The following RERE variants were observed in gnomAD, a reference collection of about 807,000 sequenced individuals.
RERE encodes the protein arginine-glutamic acid dipeptide repeats protein.
A neutral mutation model predicts 146.1 loss-of-function variants in RERE; 40 were observed. The observed-to-expected ratio is 0.27, with a 90% CI of 0.21 to 0.36. The LOEUF is 0.36. Ranked by LOEUF, RERE falls within the 10% of genes least tolerant of loss-of-function variation. The pLI is 1.00. For missense variants in RERE, 1,933 were observed against 2,138.7 expected, an observed-to-expected ratio of 0.90 and a Z score of 1.90; for synonymous variants, 1,003 against 866.0, an observed-to-expected ratio of 1.16 and a Z score of -2.78.
intron 10 of RERE, among the ~76,000 whole-genome samples, chr1:8,485,361 C>G (rs1237136860): frequency 1.3e-5 from 2 of 151,130 alleles, no homozygotes; most frequent in African/African-American, 4.9e-5. Flanking sequence ...AACTCTGTCT[C>G]AAAAAAAAGA....
Position 8,423,619 on chromosome 1 carries a change from G to C in RERE, c.1204-812C>G, listed in dbSNP as rs1643949587. The C allele has an allele frequency of 1.6e-5, 16 of 985,066 alleles. No individual in the cohort carries two copies. Among genetic ancestry groups the C allele is most frequent in the Non-Finnish European group, 1.9e-5 (16 of 829,876 alleles). The allele number at this position is 985,066 out of a possible 1,614,324, so 61.0% of individuals were successfully genotyped here. ...CCCCAGCAGCCACAGGTAAGCGCCC[G>C]GGGTCCGGGGCGGCAAGAGGCCGTC... On this transcript the variant is annotated intron_variant, in intron 11 of 22. Transcript: ENST00000400908. This position sits in a 1 kb window ranked among gnomAD's most constrained non-coding sequence, Gnocchi z 5.4.
chr1:8,705,851 T>TCA (rs769812312), intron 1 of RERE, among the ~76,000 whole-genome samples: 1 of 152,198 alleles, frequency 6.6e-6, no homozygotes, highest in Non-Finnish European at 1.5e-5. Context: ...ATGCGGTGGC[T>TCA]CACGCCTATA....
chr1:8,771,832 C>A (rs1640957409), intron 1 of RERE, among the ~76,000 whole-genome samples: 1 of 150,350 alleles, frequency 6.7e-6, no homozygotes, highest in African/African-American at 2.4e-5. Flanking sequence ...ATGGCATGAA[C>A]CCGGGAGGCG....
intron 12 of RERE, among the ~76,000 whole-genome samples, chr1:8,392,009 AGAGT>A (rs1488084342): frequency 6.6e-5 from 10 of 152,242 alleles, no homozygotes; most frequent in African/African-American, 1.7e-4. Flanking sequence ...CCTGGACAGC[AGAGT>A]GAGACTCTGC....
chr1:8,706,731 C>A (rs1444340854), intron 1 of RERE, among the ~76,000 whole-genome samples: 2 of 152,136 alleles, frequency 1.3e-5, no homozygotes, highest in East Asian at 3.9e-4. Context: ...AAGTAACAGA[C>A]CTGACATGGA....
At chr1:8,388,710 T>A (rs979628680) in intron 12 of RERE, among the ~76,000 whole-genome samples, 2 of 151,688 alleles carry the variant, frequency 1.3e-5, no homozygotes, top group Non-Finnish European at 2.9e-5. Context: ...TTTGTAACTC[T>A]TCAATATTTA....
chr1:8,670,056 A>C (rs1638678282), intron 1 of RERE, among the ~76,000 whole-genome samples: 1 of 152,218 alleles, frequency 6.6e-6, no homozygotes, highest in Admixed American at 6.5e-5. Context: ...ACTGGCTCTG[A>C]CTAAAAACAC....
intron 7 of RERE, among the ~76,000 whole-genome samples, chr1:8,515,975 G>A (rs551489932): frequency 6.6e-6 from 1 of 151,864 alleles, no homozygotes; most frequent in Non-Finnish European, 1.5e-5. Context: ...CCAGCACTTT[G>A]GGAGGCTGAG....
chr1:8,667,068 T>A (rs1001340468), intron 1 of RERE, among the ~76,000 whole-genome samples: 10 of 152,314 alleles, frequency 6.6e-5, no homozygotes, highest in African/African-American at 2.4e-4. Flanking sequence ...GGACTGGGTT[T>A]AATGCTGATA....
intron 1 of RERE, among the ~76,000 whole-genome samples, chr1:8,703,893 AG>A (rs1429689745): frequency 6.6e-6 from 1 of 152,248 alleles, no homozygotes; most frequent in East Asian, 1.9e-4. Flanking sequence ...TTCTGACCCC[AG>A]TTTTCCTTAC....
intron 1 of RERE, among the ~76,000 whole-genome samples, chr1:8,664,665 C>T (rs1446960677): frequency 1.3e-5 from 2 of 152,142 alleles, no homozygotes; most frequent in Non-Finnish European, 2.9e-5. Context: ...AAGCAATCCT[C>T]CTGTCTCCTC....
intron 1 of RERE, among the ~76,000 whole-genome samples, chr1:8,764,221 A>C (rs1396022379): frequency 6.6e-6 from 1 of 152,114 alleles, no homozygotes; most frequent in African/African-American, 2.4e-5. Flanking sequence ...CTCAGAGTAC[A>C]CATGGGTTTT....
chr1:8,601,189 T>C (rs1172859537), intron 4 of RERE, among the ~76,000 whole-genome samples: 1 of 151,850 alleles, frequency 6.6e-6, no homozygotes, highest in African/African-American at 2.4e-5. Context: ...CCGGCTGTTT[T>C]GTATTTTTAG....
chr1:8,661,016 G>C (rs1638443989), intron 1 of RERE, among the ~76,000 whole-genome samples: 2 of 152,118 alleles, frequency 1.3e-5, no homozygotes, highest in Non-Finnish European at 2.9e-5. Flanking sequence ...GCTCAGCAGT[G>C]GAGAGAGACC....
chr1:8,535,284 T>TA (rs1222563070), intron 7 of RERE, among the ~76,000 whole-genome samples: 1 of 152,208 alleles, frequency 6.6e-6, no homozygotes, highest in Non-Finnish European at 1.5e-5. Context: ...ATATGACAAC[T>TA]AAATCCATAA....
At chr1:8,660,160 G>A (rs938508928) in intron 1 of RERE, among the ~76,000 whole-genome samples, 2 of 151,966 alleles carry the variant, frequency 1.3e-5, no homozygotes, top group Admixed American at 6.6e-5. Context: ...CTAAGCAAAA[G>A]TCAATCCAAT....
chr1:8,495,072 T>G lies in RERE; in HGVS notation c.1095A>C (p.Ala365=). The change falls in exon 10 of 23, where the codon GCA becomes GCC. Residue 365 remains alanine, a synonymous_variant. Transcript: ENST00000400908. ...ACTTCAAAAGACTTACTGTGTTCAG[T>G]GCATTCAGAGTGGTGTCATCCCGAG... The part of the protein sequence containing the change: ...AASRDDTTLN[A]LNTLHESGYD... 1.2e-6 allele frequency: 2 copies of G among 1,611,168 alleles called. No individual in the cohort carries two copies. The highest frequency in any genetic ancestry group is 1.7e-6 in the Non-Finnish European group (2 of 1,177,328).
At chr1:8,661,932 G>A (rs190653306) in intron 1 of RERE, among the ~76,000 whole-genome samples, 2 of 152,306 alleles carry the variant, frequency 1.3e-5, no homozygotes, top group Admixed American at 6.5e-5. Context: ...TATTGCTCAC[G>A]CTTGAGTGCA....
chr1:8,401,476 A>G (rs1557612071), intron 12 of RERE, among the ~76,000 whole-genome samples: 1 of 152,088 alleles, frequency 6.6e-6, no homozygotes, highest in African/African-American at 2.4e-5. Context: ...TATCGGGTCT[A>G]TAACTGGGTG....
Sources: gnomAD v4.1 joint callset for allele counts (sites outside exome capture counted in the v4.1 genomes callset) on GRCh38, gnomAD v4.1.1 for gene constraint, Gnocchi (gnomAD v3.1) non-coding constraint, MANE v1.5 for transcripts, NCBI Gene and HGNC (gene_info 2026-07-23, HGNC 2026-07-21) for gene names.